The following LRSAM1 variants were observed in gnomAD, a reference collection of about 807,000 sequenced individuals.
LRSAM1 encodes the protein leucine rich repeat and sterile alpha motif containing 1.
Under a neutral mutation model 118.1 loss-of-function variants are expected in LRSAM1, and 96 were observed. That is an observed-to-expected ratio of 0.81 (90% CI 0.69 to 0.96). The LOEUF (loss-of-function observed/expected upper bound fraction) is 0.96. Among genes scored for constraint, LRSAM1 ranks in the 40% least tolerant of loss-of-function variants. The pLI, the probability that LRSAM1 is intolerant of heterozygous loss-of-function variation, is 0.00. For synonymous variants in LRSAM1, 322 were observed against 364.2 expected (o/e 0.88, Z 1.32); for missense variants, 804 against 915.5 (o/e 0.88, Z 1.57).
At chr9:127,472,489 A>C (rs924711247) in intron 10 of LRSAM1, among the ~76,000 whole-genome samples, 1 of 151,902 alleles carries the variant, frequency 6.6e-6, no homozygotes, top group Non-Finnish European at 1.5e-5. Flanking sequence ...TAAAAATACA[A>C]AATTAGCTGG....
In LRSAM1 at chr9:127,481,760, G is replaced by C. The variant is rs1444803676; in HGVS notation, c.1088+533G>C. ...TATATAATGTCCAACTATATTCCTAGTATAAAAAGTTCAGGCCAGGCGCAG... is the reference window on the plus strand; with the variant it reads ...TATATAATGTCCAACTATATTCCTACTATAAAAAGTTCAGGCCAGGCGCAG... On this transcript the variant is annotated intron_variant, in intron 15 of 25. Transcript: ENST00000300417. Among the ~76,000 whole-genome samples, 8 of 152,082 alleles carry C rather than the reference G, an allele frequency of 5.3e-5. No individual in the cohort carries two copies. The East Asian group carries it at 1.5e-3, about 29-fold the overall frequency.
intron 6 of LRSAM1, 91 bp downstream of exon 6, chr9:127,457,484 G>T: frequency 8.6e-7 from 1 of 1,164,760 alleles, no homozygotes; most frequent in African/African-American, 1.5e-5. Context: ...CCTCTTGCAT[G>T]TCAGAGGGGC....
At chr9:127,468,589 T>C (rs1835045209) in intron 10 of LRSAM1, among the ~76,000 whole-genome samples, 1 of 152,208 alleles carries the variant, frequency 6.6e-6, no homozygotes, top group South Asian at 2.1e-4. Flanking sequence ...TAGCTGATTC[T>C]GGATCAACTG....
intron 21 of LRSAM1, 147 bp from the exon 22 acceptor site, chr9:127,495,173 G>C: frequency 1.5e-6 from 1 of 651,664 alleles, no homozygotes; most frequent in Non-Finnish European, 2.8e-6. Flanking sequence ...GGCTGGTCTT[G>C]AACTCCCGAC....
Position 127,487,686 on chromosome 9 carries a change from A to G in LRSAM1, c.1270A>G (p.Met424Val), listed in dbSNP as rs750243357. The stretch of plus-strand genomic sequence containing the variant: ...CTGTCTTTCTGGCAGCATGGCCGAA[A>G]TGGATGAACGATTCCAGCAGATTCT... ...VQQACSSMAE[M>V]DERFQQILSW... is the part of the protein sequence containing the mutation. Residue 424 changes from methionine to valine, a missense_variant, in exon 18 of 26, where the codon ATG (methionine) becomes GTG (valine). Transcript: ENST00000300417. 15 of 1,613,716 alleles carry G rather than the reference A, an allele frequency of 9.3e-6. No homozygotes were observed. The highest frequency in any genetic ancestry group is 1.7e-5 in the Admixed American group (1 of 60,000).
At chr9:127,497,197 A>G in intron 23 of LRSAM1, 56 bp from the exon 24 acceptor site, 1 of 1,582,618 alleles carries the variant, frequency 6.3e-7, no homozygotes, top group Non-Finnish European at 8.7e-7. Context: ...CGTGGCTCAC[A>G]CCATTTAGCG....
At chr9:127,487,987 C>G (rs1835794603) in intron 18 of LRSAM1, among the ~76,000 whole-genome samples, 1 of 152,148 alleles carries the variant, frequency 6.6e-6, no homozygotes, top group Admixed American at 6.5e-5. Context: ...GCACCTCCAC[C>G]TGCTCTCTGG....
At position 127,481,064 on chromosome 9, in the gene LRSAM1, A is replaced by G. The variant is rs1835517997; in HGVS notation, c.1044-119A>G. ...AACTGGCTAAGAACCCAGAGCTTCA[A>G]GGTGGTGGAGCCAAGGTGCCCCCAG... On this transcript the variant is annotated intron_variant, in intron 14 of 25. Coordinates refer to ENST00000300417, the MANE Select transcript of LRSAM1 (RefSeq NM_001005373.4). 3 of 993,414 alleles carry G rather than the reference A, an allele frequency of 3.0e-6. No individual in the cohort carries two copies. The South Asian group carries it at 4.1e-5, about 14-fold the overall frequency. 61.5% of individuals were successfully genotyped at this position (993,414 alleles called of 1,614,324 possible). A position where few individuals can be genotyped will look rare whatever the true frequency, so the allele number is the denominator to read the frequency against.
At position 127,492,797 on chromosome 9, in the gene LRSAM1, C is replaced by T. The variant is rs377190920; in HGVS notation, c.1504-5C>T. 9.3e-6 allele frequency: 15 copies of T among 1,613,206 alleles called. No homozygotes were observed. Among genetic ancestry groups the T allele is most frequent in the African/African-American group, 6.7e-5 (5 of 74,910 alleles). ...CGGTGGTGCGGGGTGTGGTCTTGTTCGCAGGAGATGATCTCGGAGCAGCGC... is the reference window on the plus strand; with the variant it reads ...CGGTGGTGCGGGGTGTGGTCTTGTTTGCAGGAGATGATCTCGGAGCAGCGC... On this transcript the variant is annotated splice_polypyrimidine_tract_variant and splice_region_variant and intron_variant, in intron 20 of 25. Transcript: ENST00000300417.
intron 9 of LRSAM1, among the ~76,000 whole-genome samples, chr9:127,466,504 A>ATATATATATACATT (rs1554755061): frequency 4.1e-5 from 1 of 24,520 alleles, no homozygotes; most frequent in African/African-American, 1.5e-4. Flanking sequence ...ATATATATAT[A>ATATATATATACATT]TTTTTTTTTT....
intron 21 of LRSAM1, among the ~76,000 whole-genome samples, chr9:127,494,622 C>T (rs759453124): frequency 1.3e-4 from 20 of 152,192 alleles, no homozygotes; most frequent in South Asian, 2.1e-4. Flanking sequence ...CAGTACTCAA[C>T]GAAGAGTTAT....
rs1834462456 is a variant in LRSAM1 at position 127,454,998 on chromosome 9, G to A, written c.73G>A (p.Ala25Thr). The A allele has an allele frequency of 1.2e-6, 2 of 1,613,850 alleles. No homozygotes were observed. The highest frequency in any genetic ancestry group is 1.3e-5 in the African/African-American group (1 of 74,908). The change falls in exon 4 of 26, where the codon GCA becomes ACA. Residue 25 changes from alanine (A) to threonine (T), a missense_variant and splice_region_variant. By Grantham distance (58) the Ala-to-Thr change is moderately conservative. Transcript: ENST00000300417. ...TTTTAAAAATTCTTTTTATCCTTAG[G>A]CAAAAGAAGCTGGGGCAGATGACAT... ...RKRLEYQMCL[A>T]KEAGADDILD... is the part of the protein sequence containing the mutation.
chr9:127,488,410 C>CA (rs1220729128), intron 18 of LRSAM1, among the ~76,000 whole-genome samples: 1 of 151,916 alleles, frequency 6.6e-6, no homozygotes. Flanking sequence ...TACGGGCACC[C>CA]ACCAACACGC....
intron 2 of LRSAM1, among the ~76,000 whole-genome samples, chr9:127,453,292 G>A (rs1463017739): frequency 1.3e-5 from 2 of 152,150 alleles, no homozygotes; most frequent in Non-Finnish European, 1.5e-5. Flanking sequence ...ATGTTACCCA[G>A]GCTGGTCTCG....
intron 13 of LRSAM1, 142 bp from the exon 14 acceptor site, chr9:127,479,697 C>T (rs1322954486): frequency 1.5e-6 from 2 of 1,337,576 alleles, no homozygotes; most frequent in Admixed American, 2.0e-5. Flanking sequence ...GACACTGTAG[C>T]CTACTGGGAG....
At chr9:127,454,742 A>C in intron 3 of LRSAM1, 143 bp downstream of exon 3, 1 of 961,788 alleles carries the variant, frequency 1.0e-6, no homozygotes, top group Non-Finnish European at 1.6e-6. Flanking sequence ...CTTAGACCCA[A>C]CAGATGAGGC....
intron 22 of LRSAM1, 47 bp from the exon 23 acceptor site, chr9:127,495,917 G>A (rs776213635): frequency 6.2e-7 from 1 of 1,606,988 alleles, no homozygotes; most frequent in Non-Finnish European, 8.5e-7. Flanking sequence ...GTAAACAGTG[G>A]GTTCTTTTCT....
chr9:127,469,927 T>C (rs144960411), intron 10 of LRSAM1, among the ~76,000 whole-genome samples: 4 of 152,268 alleles, frequency 2.6e-5, no homozygotes, highest in Admixed American at 6.5e-5. Flanking sequence ...ATTGCGCCAC[T>C]GCACTCCAGC....
chr9:127,460,881 A>G (rs1588098463), intron 7 of LRSAM1, among the ~76,000 whole-genome samples: 5 of 95,628 alleles, frequency 5.2e-5, no homozygotes, highest in East Asian at 3.4e-4. Flanking sequence ...TTTGAGACGG[A>G]GTCTCACTCT....
Sources: gnomAD v4.1 joint callset for allele counts (sites outside exome capture counted in the v4.1 genomes callset) on GRCh38, gnomAD v4.1.1 for gene constraint, MANE v1.5 for transcripts, NCBI Gene and HGNC (gene_info 2026-07-23, HGNC 2026-07-21) for gene names.